Variants in FGF14 observed in about 807,000 individuals in gnomAD.
FGF14 encodes the protein fibroblast growth factor homologous factor 4.
FGF14 carries 5 observed loss-of-function variants against 25.5 expected under a neutral mutation model. The ratio of observed to expected loss-of-function variants is 0.20; its 90% confidence interval spans 0.10 to 0.41. The LOEUF is 0.41. Among genes scored for constraint, FGF14 ranks in the 10% least tolerant of loss-of-function variants. The probability of loss-of-function intolerance (pLI) is 1.00; values close to 1 mark genes in which losing one functional copy is unlikely to be tolerated. For missense variants in FGF14, 222 were observed against 320.1 expected, an observed-to-expected ratio of 0.69 and a Z score of 2.34; for synonymous variants, 138 against 118.3, an observed-to-expected ratio of 1.17 and a Z score of -1.08.
rs2047652957 is a variant in FGF14, at chr13:102,161,570, AAAGAAAGAAGAAGAAG to A, written c.208+239885_208+239900del. On this transcript the variant is annotated intron_variant, in intron 1 of 4. Coordinates refer to the FGF14 transcript ENST00000376131. ...TCTATGCAACCAACTTTCTGTGAAG[AAAGAAAGAAGAAGAAG>A]AAGAAGAAGAAGAAGAAGAAGAAGA... is the stretch of plus-strand genomic sequence containing the variant. Among the ~76,000 whole-genome samples, 42 of 5,650 alleles carry A rather than the reference AAAGAAAGAAGAAGAAG, an allele frequency of 7.4e-3. 1 individual carries two copies. The highest frequency in any genetic ancestry group is 9.8e-3 in the Non-Finnish European group (41 of 4,182). The allele number at this position is 5,650 out of a possible 152,430, so 3.7% of individuals were successfully genotyped here.
intron 1 of FGF14, among the ~76,000 whole-genome samples, chr13:102,262,332 T>C (rs1014951269): frequency 3.3e-5 from 5 of 152,158 alleles, no homozygotes; most frequent in Non-Finnish European, 5.9e-5. Flanking sequence ...AGAATCATTA[T>C]TTCCTACCTA....
At chr13:102,140,069 G>A (rs1329506535) in intron 1 of FGF14, among the ~76,000 whole-genome samples, 2 of 131,464 alleles carry the variant, frequency 1.5e-5, no homozygotes, top group African/African-American at 6.2e-5. Context: ...ACAGCAGTAA[G>A]TCATCCGTGT....
intron 1 of FGF14, among the ~76,000 whole-genome samples, chr13:102,175,899 T>C (rs772689069): frequency 1.3e-5 from 2 of 151,890 alleles, no homozygotes; most frequent in African/African-American, 2.4e-5. Context: ...ATGGCTATTA[T>C]TAAAAGGTCA....
upstream of FGF14, among the ~76,000 whole-genome samples, chr13:101,920,376 C>G (rs1435197033): frequency 6.6e-6 from 1 of 152,188 alleles, no homozygotes; most frequent in Non-Finnish European, 1.5e-5. Context: ...TTTCTTGACT[C>G]TGCAACTTCC....
At chr13:102,092,570 G>A (rs1238046199) in intron 1 of FGF14, among the ~76,000 whole-genome samples, 1 of 152,084 alleles carries the variant, frequency 6.6e-6, no homozygotes, top group Admixed American at 6.6e-5. Flanking sequence ...AAGTTATAAT[G>A]AAGATAGTTT....
At chr13:102,363,883 C>T (rs1383162564) in intron 1 of FGF14, among the ~76,000 whole-genome samples, 2 of 152,142 alleles carry the variant, frequency 1.3e-5, no homozygotes, top group Admixed American at 6.6e-5. Context: ...GAACTCAGTG[C>T]CCTGCAGGAT....
chr13:101,867,407 C>T (rs1009477341), intron 3 of FGF14, among the ~76,000 whole-genome samples: 3 of 152,064 alleles, frequency 2.0e-5, no homozygotes, highest in Non-Finnish European at 2.9e-5. Flanking sequence ...TATCAGAGTA[C>T]AGCAATGTGA....
chr13:102,390,382 A>C (rs1458230185), intron 1 of FGF14, among the ~76,000 whole-genome samples: 7 of 152,244 alleles, frequency 4.6e-5, no homozygotes, highest in African/African-American at 1.7e-4. Flanking sequence ...CTAGATAGCT[A>C]AACAGTGAAT....
At chr13:101,970,331 A>T (rs1339623960) in intron 1 of FGF14, among the ~76,000 whole-genome samples, 1 of 152,222 alleles carries the variant, frequency 6.6e-6, no homozygotes, top group Non-Finnish European at 1.5e-5. Context: ...AATACATTTT[A>T]TTATTTTCAT....
chr13:101,726,378 C>T (rs1271512154), intron 4 of FGF14, among the ~76,000 whole-genome samples: 1 of 151,746 alleles, frequency 6.6e-6, no homozygotes, highest in Non-Finnish European at 1.5e-5. Flanking sequence ...TTGGAGGTGG[C>T]AGAGAAGAAA....
chr13:102,038,675 C>A (rs188243248), intron 1 of FGF14, among the ~76,000 whole-genome samples: 2 of 152,012 alleles, frequency 1.3e-5, no homozygotes, highest in South Asian at 4.2e-4. Context: ...TGGATTTCTA[C>A]CCCCCACTGT....
chr13:102,161,570 A>AAGAAGAAGAAGAAGAAAGAAG lies in FGF14; in HGVS notation c.208+239900_208+239901insCTTCTTTCTTCTTCTTCTTCT. Among the ~76,000 whole-genome samples the AAGAAGAAGAAGAAGAAAGAAG allele has an allele frequency of 1.6e-3, 9 of 5,652 alleles. 2 individuals are homozygous for AAGAAGAAGAAGAAGAAAGAAG. The highest frequency in any genetic ancestry group is 3.0e-3 in the African/African-American group (1 of 334). 3.7% of individuals were successfully genotyped at this position (5,652 alleles called of 152,430 possible). A position where few individuals can be genotyped will look rare whatever the true frequency, so the allele number is the denominator to read the frequency against. On this transcript the variant is annotated intron_variant, in intron 1 of 4. Transcript: ENST00000376131. Reference sequence around the variant, plus strand: ...TCTATGCAACCAACTTTCTGTGAAGAAAGAAAGAAGAAGAAGAAGAAGAAG... The same window carrying AAGAAGAAGAAGAAGAAAGAAG: ...TCTATGCAACCAACTTTCTGTGAAGAAGAAGAAGAAGAAGAAAGAAGAAGAAAGAAGAAGAAGAAGAAGAAG...
In FGF14 at chr13:102,136,107, G is replaced by T. The variant is rs542937230; in HGVS notation, c.209-260811C>A. Among the ~76,000 whole-genome samples the T allele has an allele frequency of 1.4e-4, 21 of 152,162 alleles. No individual in the cohort carries two copies. In the South Asian group the frequency reaches 4.4e-3, roughly 32 times the overall value. On this transcript the variant is annotated intron_variant, in intron 1 of 4. Transcript: ENST00000376131. ...GTGACCCAGAACTCTTTAGCTTAATGATAATGATAGGATTTTAAAATTTAA... is the reference window on the plus strand; with the variant it reads ...GTGACCCAGAACTCTTTAGCTTAATTATAATGATAGGATTTTAAAATTTAA...
At chr13:102,275,985 T>C (rs1298636474) in intron 1 of FGF14, among the ~76,000 whole-genome samples, 1 of 152,072 alleles carries the variant, frequency 6.6e-6, no homozygotes, top group Non-Finnish European at 1.5e-5. Context: ...TCATACCTAC[T>C]TCTTGAGCTA....
intron 1 of FGF14, among the ~76,000 whole-genome samples, chr13:102,174,906 C>A (rs541222373): frequency 6.6e-6 from 1 of 151,840 alleles, no homozygotes; most frequent in South Asian, 2.1e-4. Flanking sequence ...CATGTACTGC[C>A]AGTATCTAAA....
chr13:102,214,894 T>C (rs1266088938), intron 1 of FGF14, among the ~76,000 whole-genome samples: 1 of 152,162 alleles, frequency 6.6e-6, no homozygotes, highest in Non-Finnish European at 1.5e-5. Context: ...TTCTAGACGT[T>C]CTATCTTGCC....
intron 1 of FGF14, among the ~76,000 whole-genome samples, chr13:102,278,485 C>T (rs748896511): frequency 6.6e-6 from 1 of 152,156 alleles, no homozygotes; most frequent in Non-Finnish European, 1.5e-5. Context: ...GTAGATGAAA[C>T]AGGGGTGATT....
At chr13:102,259,327 C>T (rs2052601564) in intron 1 of FGF14, among the ~76,000 whole-genome samples, 1 of 152,180 alleles carries the variant, frequency 6.6e-6, no homozygotes, top group Non-Finnish European at 1.5e-5. Context: ...AGCACATCCC[C>T]ACCCCCTGCC....
intron 3 of FGF14, among the ~76,000 whole-genome samples, chr13:101,839,816 A>G (rs550404130): frequency 2.1e-4 from 32 of 152,152 alleles, no homozygotes; most frequent in Non-Finnish European, 3.1e-4. Context: ...AAGAAAATGT[A>G]ATGTATGCTC....
Sources: allele counts gnomAD v4.1 joint callset (sites outside exome capture counted in the v4.1 genomes callset), GRCh38; gene constraint gnomAD v4.1.1; transcripts MANE v1.5; gene names NCBI Gene and HGNC (gene_info 2026-07-23, HGNC 2026-07-21).